CCDC85A: variants seen among roughly 807,000 people sequenced by gnomAD.
The protein encoded by CCDC85A is coiled-coil domain-containing protein 85A.
A neutral mutation model predicts 50.2 loss-of-function variants in CCDC85A; 38 were observed. The ratio of observed to expected loss-of-function variants is 0.76; its 90% CI spans 0.58 to 0.99. CCDC85A has a LOEUF of 0.99. CCDC85A is among the 50% of genes least tolerant of loss of function. The pLI is 0.00. For synonymous variants in CCDC85A, 366 were observed against 301.4 expected (o/e 1.21, Z -2.22); for missense variants, 820 against 742.0 (o/e 1.11, Z -1.22).
At chr2:56,252,897 C>T (rs1163324305) in intron 2 of CCDC85A, among the ~76,000 whole-genome samples, 2 of 151,904 alleles carry the variant, frequency 1.3e-5, no homozygotes, top group African/African-American at 4.8e-5. Flanking sequence ...TTTTTAAAAG[C>T]CTTTTATACT....
chr2:56,357,761 G>C (rs1436996950), intron 3 of CCDC85A, among the ~76,000 whole-genome samples: 1 of 151,754 alleles, frequency 6.6e-6, no homozygotes, highest in Non-Finnish European at 1.5e-5. Flanking sequence ...GAGCAGGGTG[G>C]ATATTTACAA....
chr2:56,381,230 C>A (rs188824555), intron 5 of CCDC85A, among the ~76,000 whole-genome samples: 1 of 152,170 alleles, frequency 6.6e-6, no homozygotes, highest in Non-Finnish European at 1.5e-5. Flanking sequence ...AATGCACCAC[C>A]ATTCACTTTC....
intron 2 of CCDC85A, among the ~76,000 whole-genome samples, chr2:56,337,520 C>G (rs554773596): frequency 6.6e-6 from 1 of 152,254 alleles, no homozygotes; most frequent in South Asian, 2.1e-4. Context: ...TCATGTGATT[C>G]CTTTCTTTCT....
At chr2:56,234,649 T>TC (rs1464119808) in intron 2 of CCDC85A, among the ~76,000 whole-genome samples, 2 of 152,176 alleles carry the variant, frequency 1.3e-5, no homozygotes, top group East Asian at 3.9e-4. Context: ...CCTTTTTTTT[T>TC]CTTCTCTGGA....
intron 2 of CCDC85A, among the ~76,000 whole-genome samples, chr2:56,265,687 G>T (rs567586778): frequency 6.6e-6 from 1 of 152,110 alleles, no homozygotes; most frequent in South Asian, 2.1e-4. Flanking sequence ...CCTTGCACAC[G>T]GTTGGTGGTA....
At chr2:56,229,867 A>G (rs1668705428) in intron 2 of CCDC85A, among the ~76,000 whole-genome samples, 2 of 152,214 alleles carry the variant, frequency 1.3e-5, no homozygotes, top group Admixed American at 1.3e-4. Flanking sequence ...GGTTTTCACC[A>G]GGGAATTAAT....
At chr2:56,350,395 AC>A in intron 3 of CCDC85A, among the ~76,000 whole-genome samples, 1 of 152,126 alleles carries the variant, frequency 6.6e-6, no homozygotes, top group South Asian at 2.1e-4. Context: ...ACATGGTGAA[AC>A]CCCATCTCTA....
chr2:56,309,412 C>A (rs1672590719), intron 2 of CCDC85A, among the ~76,000 whole-genome samples: 1 of 152,090 alleles, frequency 6.6e-6, no homozygotes, highest in African/African-American at 2.4e-5. Flanking sequence ...CCCTAGTTGG[C>A]ATTACAGACT....
At chr2:56,301,087 A>G (rs1672181904) in intron 2 of CCDC85A, among the ~76,000 whole-genome samples, 1 of 152,202 alleles carries the variant, frequency 6.6e-6, no homozygotes, top group South Asian at 2.1e-4. Flanking sequence ...CACCTGAAAT[A>G]TTTATTTAGA....
chr2:56,186,369 C>G (rs1399760661), intron 1 of CCDC85A, among the ~76,000 whole-genome samples: 1 of 152,176 alleles, frequency 6.6e-6, no homozygotes, highest in South Asian at 2.1e-4. Context: ...TTCTCAGATC[C>G]TCCTTTTATT....
intron 2 of CCDC85A, among the ~76,000 whole-genome samples, chr2:56,232,003 G>T (rs1441453820): frequency 6.6e-6 from 1 of 152,038 alleles, no homozygotes; most frequent in East Asian, 1.9e-4. Context: ...TTCTCTGGTT[G>T]TTTGGTGTTA....
chr2:56,332,253 C>G (rs755292143), intron 2 of CCDC85A, among the ~76,000 whole-genome samples: 1 of 152,138 alleles, frequency 6.6e-6, no homozygotes, highest in Non-Finnish European at 1.5e-5. Flanking sequence ...TTCTGTGTCT[C>G]CCTCTCTTCT....
intron 2 of CCDC85A, among the ~76,000 whole-genome samples, chr2:56,206,809 C>A (rs1031238349): frequency 6.6e-6 from 1 of 152,058 alleles, no homozygotes; most frequent in Non-Finnish European, 1.5e-5. Flanking sequence ...CTTTATATAC[C>A]CAGGTTTGTA....
intron 2 of CCDC85A, among the ~76,000 whole-genome samples, chr2:56,319,141 T>TA (rs1225721064): frequency 6.6e-6 from 1 of 152,118 alleles, no homozygotes; most frequent in African/African-American, 2.4e-5. Context: ...TAATAATAAA[T>TA]AGCTAGAAGG....
chr2:56,185,131 G>A (rs1186982763), intron 1 of CCDC85A, among the ~76,000 whole-genome samples: 2 of 152,084 alleles, frequency 1.3e-5, no homozygotes, highest in Non-Finnish European at 2.9e-5. Context: ...GGCTGTTCGG[G>A]GAGGCGCTGA....
intron 1 of CCDC85A, among the ~76,000 whole-genome samples, chr2:56,186,441 G>A (rs1676050599): frequency 1.3e-5 from 2 of 152,200 alleles, no homozygotes; most frequent in African/African-American, 4.8e-5. Context: ...TTATGATTAT[G>A]TAGGGGAAGG....
intron 2 of CCDC85A, among the ~76,000 whole-genome samples, chr2:56,226,529 ACCT>A (rs1469638031): frequency 1.3e-5 from 2 of 151,740 alleles, no homozygotes; most frequent in African/African-American, 4.8e-5. Context: ...TTCCTTTTAA[ACCT>A]CCTTTCAACT....
chr2:56,334,416 A>G (rs555780817), intron 2 of CCDC85A, among the ~76,000 whole-genome samples: 1 of 152,358 alleles, frequency 6.6e-6, no homozygotes, highest in African/African-American at 2.4e-5. Flanking sequence ...AAATATTTTC[A>G]TATAGCATTT....
At chr2:56,232,068 C>A (rs978213607) in intron 2 of CCDC85A, among the ~76,000 whole-genome samples, 1 of 152,074 alleles carries the variant, frequency 6.6e-6, no homozygotes, top group Admixed American at 6.6e-5. Context: ...TTATTTGCAT[C>A]TTTCTTTTCT....
Sources: allele counts gnomAD v4.1 joint callset (sites outside exome capture counted in the v4.1 genomes callset), GRCh38; gene constraint gnomAD v4.1.1; transcripts MANE v1.5; gene names NCBI Gene and HGNC (gene_info 2026-07-23, HGNC 2026-07-21).